Variants in XKR9 observed in about 807,000 individuals in gnomAD.
XKR9 encodes the protein XK related 9.
A neutral mutation model predicts 32.0 loss-of-function variants in XKR9; 32 were observed. The ratio of observed to expected loss-of-function variants is 1.00; its 90% CI spans 0.76 to 1.34. The LOEUF (loss-of-function observed/expected upper bound fraction) is 1.34, where lower values mean the gene tolerates loss of function less well. Among genes scored for constraint, XKR9 ranks in the 40% most tolerant of loss-of-function variants. The pLI is 0.00. For synonymous variants in XKR9, 168 were observed against 143.4 expected, an observed-to-expected ratio of 1.17 and a Z score of -1.22; for missense variants, 546 against 429.7, an observed-to-expected ratio of 1.27 and a Z score of -2.39.
chr8:70,920,056 T>G, the XKR9 span, among the ~76,000 whole-genome samples: 2 of 152,200 alleles, frequency 1.3e-5, no homozygotes, highest in South Asian at 2.1e-4. Flanking sequence ...TCTGCTGATA[T>G]CAGCAGCAGT....
intron 4 of XKR9, among the ~76,000 whole-genome samples, chr8:70,718,141 C>G (rs1040874853): frequency 1.3e-5 from 2 of 152,090 alleles, no homozygotes; most frequent in African/African-American, 4.8e-5. Context: ...TTTCTGAGCC[C>G]TTCAATTCTC....
chr8:70,708,252 T>C (rs1420669913), intron 4 of XKR9, among the ~76,000 whole-genome samples: 1 of 152,030 alleles, frequency 6.6e-6, no homozygotes, highest in African/African-American at 2.4e-5. Flanking sequence ...GTTCTGAAAC[T>C]AGAGGTACAA....
the XKR9 span, among the ~76,000 whole-genome samples, chr8:70,935,133 A>T: frequency 6.8e-5 from 10 of 147,862 alleles, no homozygotes; most frequent in Non-Finnish European, 1.3e-4. Flanking sequence ...ACACACACAC[A>T]TATATATACA....
At chr8:70,896,408 T>A in the XKR9 span, among the ~76,000 whole-genome samples, 4 of 152,048 alleles carry the variant, frequency 2.6e-5, no homozygotes, top group Non-Finnish European at 5.9e-5. Flanking sequence ...TCTTTTTGAG[T>A]GAGTTTTGTT....
intron 3 of XKR9, among the ~76,000 whole-genome samples, chr8:70,687,478 TC>T (rs1209599217): frequency 2.6e-5 from 4 of 151,958 alleles, no homozygotes; most frequent in Non-Finnish European, 1.5e-5. Context: ...CAGGTGATCT[TC>T]CCATCTCAGC....
intron 3 of XKR9, among the ~76,000 whole-genome samples, chr8:70,701,538 T>C (rs1805535288): frequency 6.6e-6 from 1 of 152,190 alleles, no homozygotes; most frequent in Non-Finnish European, 1.5e-5. Context: ...CCTTTCTCTT[T>C]GTATATTTTT....
At chr8:70,880,749 T>A in the XKR9 span, among the ~76,000 whole-genome samples, 6 of 152,156 alleles carry the variant, frequency 3.9e-5, no homozygotes, top group African/African-American at 1.2e-4. Context: ...AATGACTTTC[T>A]TCACAGGATT....
the XKR9 span, among the ~76,000 whole-genome samples, chr8:71,008,974 G>T: frequency 6.6e-6 from 1 of 152,306 alleles, no homozygotes; most frequent in Admixed American, 6.5e-5. Flanking sequence ...AGGCCTAAAA[G>T]AGATTTTTAA....
the XKR9 span, among the ~76,000 whole-genome samples, chr8:70,849,705 AATAG>A: frequency 1.1e-3 from 164 of 152,294 alleles, no homozygotes; most frequent in Non-Finnish European, 1.9e-3. Context: ...AGACTGACAA[AATAG>A]ATAGACCACT....
the XKR9 span, among the ~76,000 whole-genome samples, chr8:70,939,748 G>T: frequency 2.6e-5 from 4 of 151,990 alleles, no homozygotes; most frequent in South Asian, 4.2e-4. Context: ...TGTGCTAAAG[G>T]CTGGAAATTA....
At chr8:70,803,547 G>T in the XKR9 span, among the ~76,000 whole-genome samples, 1 of 152,170 alleles carries the variant, frequency 6.6e-6, no homozygotes, top group Non-Finnish European at 1.5e-5. Context: ...TTTTGCACTG[G>T]TTATTTCTCA....
chr8:70,760,117 T>G (rs1391302467), intron 2 of XKR9, among the ~76,000 whole-genome samples: 1 of 152,244 alleles, frequency 6.6e-6, no homozygotes, highest in Non-Finnish European at 1.5e-5. Context: ...AGTTATCAAA[T>G]TAGCGTATCT....
chr8:70,888,940 T>G, the XKR9 span, among the ~76,000 whole-genome samples: 4 of 152,064 alleles, frequency 2.6e-5, no homozygotes, highest in Non-Finnish European at 4.4e-5. Context: ...ATTCAGAGTC[T>G]TTTGTAGTTC....
the XKR9 span, among the ~76,000 whole-genome samples, chr8:71,037,194 T>C: frequency 6.6e-6 from 1 of 152,210 alleles, no homozygotes; most frequent in Non-Finnish European, 1.5e-5. Flanking sequence ...TATATCTTAA[T>C]AAAAACATAT....
chr8:70,699,367 G>A (rs1399406012), intron 3 of XKR9, among the ~76,000 whole-genome samples: 2 of 152,032 alleles, frequency 1.3e-5, no homozygotes, highest in African/African-American at 2.4e-5. Flanking sequence ...AGCTCTTTTA[G>A]GGCAGGCCTG....
the XKR9 span, among the ~76,000 whole-genome samples, chr8:71,008,055 A>G: frequency 1.1e-4 from 16 of 152,168 alleles, no homozygotes; most frequent in Admixed American, 3.3e-4. Flanking sequence ...TGAAAGAACC[A>G]AAAAAAGTAC....
intron 4 of XKR9, among the ~76,000 whole-genome samples, chr8:70,709,838 A>T (rs1805849740): frequency 6.6e-6 from 1 of 152,238 alleles, no homozygotes; most frequent in South Asian, 2.1e-4. Context: ...ATGCTCATGG[A>T]CAGGAAGAAT....
At chr8:70,996,173 G>C in the XKR9 span, among the ~76,000 whole-genome samples, 1 of 152,294 alleles carries the variant, frequency 6.6e-6, no homozygotes, top group Non-Finnish European at 1.5e-5. Context: ...TGTATGACAA[G>C]CACATGCAGA....
the XKR9 span, among the ~76,000 whole-genome samples, chr8:71,012,035 GA>G: frequency 4.7e-4 from 71 of 150,636 alleles, no homozygotes; most frequent in East Asian, 6.8e-3. Context: ...TCTATAGGGG[GA>G]AAAAAAAACC....
Sources: allele counts gnomAD v4.1 joint callset (sites outside exome capture counted in the v4.1 genomes callset), GRCh38; gene constraint gnomAD v4.1.1; transcripts MANE v1.5; gene names NCBI Gene and HGNC (gene_info 2026-07-23, HGNC 2026-07-21).